The following ZFAT variants were observed in gnomAD, a reference collection of about 807,000 sequenced individuals.
ZFAT encodes zinc finger and AT-hook domain containing, also known as zinc finger protein ZFAT.
A neutral mutation model predicts 117.7 loss-of-function variants in ZFAT; 64 were observed. The ratio of observed to expected loss-of-function variants is 0.54; its 90% CI spans 0.44 to 0.67. The LOEUF (loss-of-function observed/expected upper bound fraction) is 0.67, where lower values mean the gene tolerates loss of function less well. Among genes scored for constraint, ZFAT ranks in the 30% least tolerant of loss-of-function variants. The probability of loss-of-function intolerance (pLI) is 0.00; values close to 1 mark genes in which losing one functional copy is unlikely to be tolerated. For missense variants in ZFAT, 1,433 were observed against 1,584.5 expected (o/e 0.90, Z 1.62); for synonymous variants, 679 against 615.0 (o/e 1.10, Z -1.54).
At chr8:134,706,187 T>C (rs1160249655) in intron 1 of ZFAT, among the ~76,000 whole-genome samples, 5 of 152,058 alleles carry the variant, frequency 3.3e-5, no homozygotes, top group Non-Finnish European at 7.4e-5. Context: ...GAAATGAAAA[T>C]AAATATCCAC....
chr8:134,796,064 G>A, the ZFAT span: 1 of 152,360 alleles, frequency 6.6e-6, no homozygotes. Flanking sequence ...GGTGCACCTG[G>A]AGAAGGCACA....
chr8:134,670,756 G>A (rs1832520354), intron 1 of ZFAT, among the ~76,000 whole-genome samples: 1 of 152,204 alleles, frequency 6.6e-6, no homozygotes, highest in South Asian at 2.1e-4. Context: ...TAAGATCAGA[G>A]AAGAACTGAA....
the ZFAT span, among the ~76,000 whole-genome samples, chr8:134,737,763 G>T: frequency 6.6e-6 from 1 of 152,208 alleles, no homozygotes; most frequent in Non-Finnish European, 1.5e-5. Context: ...CTAGCATCAT[G>T]GGTGGTGACA....
At chr8:134,698,788 A>G (rs1250425078) in intron 1 of ZFAT, among the ~76,000 whole-genome samples, 1 of 152,058 alleles carries the variant, frequency 6.6e-6, no homozygotes, top group East Asian at 1.9e-4. Context: ...GCAGTCACCA[A>G]ATCCCATCAA....
chr8:134,775,725 T>G, the ZFAT span, among the ~76,000 whole-genome samples: 1 of 152,238 alleles, frequency 6.6e-6, no homozygotes, highest in Non-Finnish European at 1.5e-5. Flanking sequence ...TTAAAAATTT[T>G]TGTATTTGGT....
chr8:134,570,129 C>G (rs997183997), intron 10 of ZFAT, among the ~76,000 whole-genome samples: 1 of 152,138 alleles, frequency 6.6e-6, no homozygotes, highest in Non-Finnish European at 1.5e-5. Flanking sequence ...GGCCTCTGCA[C>G]CTGCTGTTCC....
chr8:134,671,992 C>A (rs912548912), intron 1 of ZFAT, among the ~76,000 whole-genome samples: 5 of 152,212 alleles, frequency 3.3e-5, no homozygotes, highest in Non-Finnish European at 7.3e-5. Context: ...CATGAGTGAA[C>A]TCCCATTCAC....
chr8:134,480,198 G>A (rs1483658184), intron 15 of ZFAT, among the ~76,000 whole-genome samples: 1 of 152,182 alleles, frequency 6.6e-6, no homozygotes, highest in African/African-American at 2.4e-5. Context: ...CTGAGCTCAA[G>A]TGATCCACCC....
At chr8:134,652,043 C>T (rs1831275170) in intron 2 of ZFAT, among the ~76,000 whole-genome samples, 1 of 152,102 alleles carries the variant, frequency 6.6e-6, no homozygotes, top group African/African-American at 2.4e-5. Context: ...ATAGGCTGGG[C>T]ATGGTGGCTC....
intron 11 of ZFAT, among the ~76,000 whole-genome samples, chr8:134,562,326 A>G (rs1824113396): frequency 6.6e-6 from 1 of 152,240 alleles, no homozygotes; most frequent in South Asian, 2.1e-4. Context: ...ACAGAAATGT[A>G]AGATAATCAA....
At chr8:134,774,276 C>A in the ZFAT span, among the ~76,000 whole-genome samples, 1 of 152,092 alleles carries the variant, frequency 6.6e-6, no homozygotes, top group Non-Finnish European at 1.5e-5. Context: ...GGATTACAGG[C>A]GTGAGACACT....
chr8:134,679,724 T>C (rs1248935399), intron 1 of ZFAT, among the ~76,000 whole-genome samples: 1 of 152,186 alleles, frequency 6.6e-6, no homozygotes, highest in Non-Finnish European at 1.5e-5. Context: ...AAAGAAAATG[T>C]GGCACATATA....
chr8:134,657,628 A>G lies in ZFAT; in HGVS notation c.129T>C (p.Asp43=). 1 of 1,609,210 alleles carries G rather than the reference A, an allele frequency of 6.2e-7. No homozygotes were observed. The highest frequency in any genetic ancestry group is 8.5e-7 in the Non-Finnish European group (1 of 1,175,512). ...GAGGCCTAAGGGGAATAATAATCTCATCAACATTAACCCCTTCTTCCATGT... is the reference window on the plus strand; with the variant it reads ...GAGGCCTAAGGGGAATAATAATCTCGTCAACATTAACCCCTTCTTCCATGT... The part of the protein sequence containing the change: ...EKHMEEGVNV[D]EIIIPLRPLS... Residue 43 remains aspartate (D), a synonymous_variant, in exon 2 of 16, where the codon GAT becomes GAC. Transcript: ENST00000377838.
chr8:134,669,409 G>A lies in ZFAT; in HGVS notation c.20-11672C>T, dbSNP rs111523104. Among the ~76,000 whole-genome samples, 137 of 152,222 alleles carry A rather than the reference G, an allele frequency of 9.0e-4. 1 individual carries two copies. The highest frequency in any genetic ancestry group is 6.0e-3 in the South Asian group (29 of 4,818). Reference sequence around the variant, plus strand: ...TCTGACTAACAACGGATCTCTCGGCGGAAACTCCACAAGCCAGAAGAGAGT... The same window carrying A: ...TCTGACTAACAACGGATCTCTCGGCAGAAACTCCACAAGCCAGAAGAGAGT... On this transcript the variant is annotated intron_variant, in intron 1 of 15. Coordinates refer to ENST00000377838, the MANE Select transcript of ZFAT (RefSeq NM_020863.4).
intron 13 of ZFAT, among the ~76,000 whole-genome samples, chr8:134,518,682 T>C (rs1466907685): frequency 6.6e-6 from 1 of 151,918 alleles, no homozygotes; most frequent in Non-Finnish European, 1.5e-5. Context: ...TAAAAAAATA[T>C]TTTTATCATT....
the ZFAT span, among the ~76,000 whole-genome samples, chr8:134,724,635 T>C: frequency 0.019 from 2,918 of 152,210 alleles, 80 homozygotes; most frequent in African/African-American, 0.065. Flanking sequence ...TCGGGTGGTC[T>C]GGGCCTTTCC....
At chr8:134,755,628 A>G in the ZFAT span, among the ~76,000 whole-genome samples, 20 of 152,020 alleles carry the variant, frequency 1.3e-4, no homozygotes, top group African/African-American at 4.8e-4. Flanking sequence ...CCTGTCCAAC[A>G]TGGTGAAACC....
intron 1 of ZFAT, among the ~76,000 whole-genome samples, chr8:134,685,852 T>C (rs762377413): frequency 6.6e-6 from 1 of 152,236 alleles, no homozygotes; most frequent in African/African-American, 2.4e-5. Flanking sequence ...AACTCTTGGC[T>C]GGTGCCTTCC....
At chr8:134,746,877 AAT>A in the ZFAT span, among the ~76,000 whole-genome samples, 13 of 152,230 alleles carry the variant, frequency 8.5e-5, no homozygotes, top group African/African-American at 2.7e-4. Flanking sequence ...ATTGAGCTAT[AAT>A]ATGTCTGCGA....
Sources: gnomAD v4.1 joint callset for allele counts (sites outside exome capture counted in the v4.1 genomes callset) on GRCh38, gnomAD v4.1.1 for gene constraint, MANE v1.5 for transcripts, NCBI Gene and HGNC (gene_info 2026-07-23, HGNC 2026-07-21) for gene names.